The following BTN1A1 variants were observed in gnomAD, a reference collection of about 807,000 sequenced individuals.
BTN1A1 encodes butyrophilin subfamily 1 member A1.
BTN1A1 carries 26 observed loss-of-function variants against 33.1 expected under a neutral mutation model. The ratio of observed to expected loss-of-function variants is 0.79; its 90% CI spans 0.58 to 1.09. The LOEUF is 1.09. Ranked by LOEUF, BTN1A1 falls within the 50% of genes least tolerant of loss-of-function variation. The pLI, the probability that BTN1A1 is intolerant of heterozygous loss-of-function variation, is 0.00. For synonymous variants in BTN1A1, 235 were observed against 256.2 expected (o/e 0.92, Z 0.79); for missense variants, 558 against 655.7 (o/e 0.85, Z 1.63).
chr6:26,501,408 C>T lies in BTN1A1; in HGVS notation c.79+43C>T. 6.3e-7 allele frequency: 1 copy of T among 1,589,406 alleles called. No homozygotes were observed. The highest frequency in any genetic ancestry group is 2.2e-5 in the East Asian group (1 of 44,746). ...TCTGGGCTGCATAGTTGAAATATAT[C>T]AATAAATGTAAAATAAACAATCCCA... is the stretch of plus-strand genomic sequence containing the variant. On this transcript the variant is annotated intron_variant, in intron 2 of 7. Transcript: ENST00000684113. This position sits in a 1 kb window ranked among gnomAD's most constrained non-coding sequence, Gnocchi z 5.2.
Position 26,506,720 on chromosome 6 carries a change from T to C in BTN1A1, c.747T>C (p.Ala249=). The change falls in exon 5 of 8, where the codon GCT becomes GCC. Residue 249 remains alanine (A), a synonymous_variant. Coordinates refer to ENST00000684113, the MANE Select transcript of BTN1A1 (RefSeq NM_001732.3). ...SLPRLTPWIV[A]VAVILMVLGL... Reference sequence around the variant, plus strand: ...CAAGGCTGACTCCCTGGATAGTGGCTGTGGCTGTCATCCTGATGGTTCTAG... The same window carrying C: ...CAAGGCTGACTCCCTGGATAGTGGCCGTGGCTGTCATCCTGATGGTTCTAG... 1 of 1,614,112 alleles carries C rather than the reference T, an allele frequency of 6.2e-7. No homozygotes were observed. The highest frequency in any genetic ancestry group is 8.5e-7 in the Non-Finnish European group (1 of 1,180,016).
Position 26,501,631 on chromosome 6 carries a change from G to T in BTN1A1, c.121G>T (p.Val41Phe). Residue 41 changes from valine to phenylalanine, a missense_variant, in exon 3 of 8, where the codon GTT becomes TTT. Transcript: ENST00000684113. The surrounding 1 kb of genome is among the most constrained non-coding windows in gnomAD (Gnocchi z 5.2). ...VIGPPEPILA[V>F]VGEDAELPCR... ...TGGACCCCCGGAGCCCATCCTGGCC[G>T]TTGTGGGTGAGGACGCCGAGCTGCC... 6.2e-7 allele frequency: 1 copy of T among 1,613,962 alleles called. No homozygotes were observed. Among genetic ancestry groups the T allele is most frequent in the Non-Finnish European group, 8.5e-7 (1 of 1,179,990 alleles).
intron 4 of BTN1A1, among the ~76,000 whole-genome samples, chr6:26,506,456 C>T (rs1330571499): frequency 6.6e-6 from 1 of 152,094 alleles, no homozygotes. Flanking sequence ...TTTCACAGGT[C>T]CTGTCCCAAA....
In BTN1A1 at chr6:26,507,957, C is replaced by T. The variant is rs757507902; in HGVS notation, c.867C>T (p.Leu289=). The change falls in exon 6 of 8, where the codon CTC becomes CTT. Residue 289 remains leucine (L), a synonymous_variant. Coordinates refer to ENST00000684113, the MANE Select transcript of BTN1A1 (RefSeq NM_001732.3). ...TTTTTGTTTGTTTTCCAGAGAGACT[C>T]CTGGAAGAACTCAGTAAGTTCTGTC... is the stretch of plus-strand genomic sequence containing the variant. ...RRNEFSSKER[L]LEELKWKKAT... 31 of 1,614,090 alleles carry T rather than the reference C, an allele frequency of 1.9e-5. No homozygotes were observed. The South Asian group carries it at 3.2e-4, about 17-fold the overall frequency.
At chr6:26,505,711 C>A (rs1471737929) in intron 4 of BTN1A1, among the ~76,000 whole-genome samples, 1 of 149,548 alleles carries the variant, frequency 6.7e-6, no homozygotes, top group Non-Finnish European at 1.5e-5. Flanking sequence ...TAGGTGTGAG[C>A]CATCACACCC....
intron 3 of BTN1A1, among the ~76,000 whole-genome samples, chr6:26,504,344 AG>A (rs1763843182): frequency 6.6e-6 from 1 of 152,080 alleles, no homozygotes; most frequent in Non-Finnish European, 1.5e-5. Flanking sequence ...TATTGGTCTT[AG>A]TGTTCCTGCT....
At chr6:26,506,551 C>T (rs1763872401) in intron 4 of BTN1A1, 132 bp from the exon 5 acceptor site, 2 of 903,224 alleles carry the variant, frequency 2.2e-6, no homozygotes, top group African/African-American at 1.7e-5. Flanking sequence ...ATTGGAGTGA[C>T]TATTTTTTTG....
rs758209174 is a variant in BTN1A1 at position 26,506,833 on chromosome 6, G to A, written c.859+1G>A. On this transcript the variant is annotated splice_donor_variant, in intron 5 of 7. Coordinates refer to ENST00000684113, the MANE Select transcript of BTN1A1 (RefSeq NM_001732.3). LOFTEE classifies it high-confidence loss of function. ...AGGAGGAATGAATTCAGCTCTAAAG[G>A]TAAACCATAGAATCCACAAGGGCTA... 5 of 1,614,040 alleles carry A rather than the reference G, an allele frequency of 3.1e-6. No individual in the cohort carries two copies. Among genetic ancestry groups the A allele is most frequent in the Admixed American group, 1.7e-5 (1 of 60,000 alleles).
In BTN1A1 at chr6:26,507,410, C is replaced by T. The variant is rs542852329; in HGVS notation, c.860-540C>T. 6.4e-4 allele frequency among the ~76,000 whole-genome samples: 97 copies of T among 152,068 alleles called. 1 individual carries two copies. The highest frequency in any genetic ancestry group is 5.1e-4 in the Non-Finnish European group (35 of 68,016). ...CCTACTCCCACTTTTAACTCAATTGCCCAGTACCAATCTTATTATTAAAGA... is the reference window on the plus strand; with the variant it reads ...CCTACTCCCACTTTTAACTCAATTGTCCAGTACCAATCTTATTATTAAAGA... On this transcript the variant is annotated intron_variant, in intron 5 of 7. Transcript: ENST00000684113.
At position 26,509,488 on chromosome 6, in the gene BTN1A1, G is replaced by A. The variant is rs1218990402; in HGVS notation, c.*314G>A. ...CAGATTAGGGATCGAGATTGGGTCA[G>A]GTTAGCATGGGGTTGTGGTTGAAAT... On this transcript the variant is annotated 3_prime_UTR_variant, in exon 8 of 8. Transcript: ENST00000684113. 2 of 255,776 alleles carry A rather than the reference G, an allele frequency of 7.8e-6. No individual in the cohort carries two copies. The highest frequency in any genetic ancestry group is 1.5e-5 in the Non-Finnish European group (2 of 134,952). The allele number at this position is 255,776 out of a possible 1,614,324, so 15.8% of individuals were successfully genotyped here.
chr6:26,508,652 C>G lies in BTN1A1; in HGVS notation c.1059C>G (p.Phe353Leu), dbSNP rs990817013. 6.2e-7 allele frequency: 1 copy of G among 1,614,194 alleles called. No individual in the cohort carries two copies. Among genetic ancestry groups the G allele is most frequent in the African/African-American group, 1.3e-5 (1 of 75,046 alleles). The change falls in exon 8 of 8, where the codon TTC (phenylalanine) becomes TTG (leucine). Residue 353 changes from phenylalanine (F) to leucine (L), a missense_variant. Phe to Leu is a conservative substitution (Grantham distance 22, BLOSUM62 0). Transcript: ENST00000684113. ...SWPCVLGRET[F>L]TSGRHYWEVE... The stretch of plus-strand genomic sequence containing the variant: ...CCTGTGTGTTGGGCCGTGAGACCTT[C>G]ACCTCAGGAAGGCATTACTGGGAGG...
rs773866424 is a variant in BTN1A1 at position 26,501,837 on chromosome 6, G to A, written c.327G>A (p.Leu109=). ...QDGIAKGRVA[L]RIRGVRVSDD... ...GCATCGCCAAGGGGCGCGTGGCCTT[G>A]AGGATCCGTGGCGTCAGAGTCTCTG... The change falls in exon 3 of 8, where the codon TTG becomes TTA. Residue 109 remains leucine, a synonymous_variant. Coordinates refer to ENST00000684113, the MANE Select transcript of BTN1A1 (RefSeq NM_001732.3). The surrounding 1 kb of genome is among the most constrained non-coding windows in gnomAD (Gnocchi z 5.2). 1.2e-6 allele frequency: 2 copies of A among 1,611,986 alleles called. No homozygotes were observed. Among genetic ancestry groups the A allele is most frequent in the Non-Finnish European group, 1.7e-6 (2 of 1,178,628 alleles).
At chr6:26,508,222 T>C in intron 7 of BTN1A1, 135 bp downstream of exon 7, 1 of 1,202,676 alleles carries the variant, frequency 8.3e-7, no homozygotes, top group Non-Finnish European at 1.2e-6. Flanking sequence ...ACAGATGGCC[T>C]CAACAGTTTC....
intron 1 of BTN1A1, among the ~76,000 whole-genome samples, chr6:26,500,830 G>A (rs1763789086): frequency 6.6e-6 from 1 of 152,086 alleles, no homozygotes; most frequent in Non-Finnish European, 1.5e-5. Context: ...CAGAACAATC[G>A]CTTGAACCCA....
At chr6:26,504,212 G>A (rs1763841457) in intron 3 of BTN1A1, among the ~76,000 whole-genome samples, 1 of 152,008 alleles carries the variant, frequency 6.6e-6, no homozygotes, top group Non-Finnish European at 1.5e-5. Context: ...CCAAAGAATC[G>A]CCAATCCTCT....
rs1158135029 is a variant in BTN1A1, at chr6:26,501,077, T to C, written c.-57-153T>C. Reference sequence around the variant, plus strand: ...GGGTGGGAAGGTGATAACCACAGTGTAAACTAAAAATCCATACTGGGGATG... The same window carrying C: ...GGGTGGGAAGGTGATAACCACAGTGCAAACTAAAAATCCATACTGGGGATG... On this transcript the variant is annotated intron_variant, in intron 1 of 7. Transcript: ENST00000684113. This position sits in a 1 kb window ranked among gnomAD's most constrained non-coding sequence, Gnocchi z 5.2. 1.7e-6 allele frequency: 1 copy of C among 600,034 alleles called. No individual in the cohort carries two copies. Among genetic ancestry groups the C allele is most frequent in the Non-Finnish European group, 3.0e-6 (1 of 335,980 alleles). 37.2% of individuals were successfully genotyped at this position (600,034 alleles called of 1,614,324 possible). A position where few individuals can be genotyped will look rare whatever the true frequency, so the allele number is the denominator to read the frequency against.
At chr6:26,502,337 C>T (rs1763812021) in intron 3 of BTN1A1, among the ~76,000 whole-genome samples, 1 of 152,130 alleles carries the variant, frequency 6.6e-6, no homozygotes, top group Non-Finnish European at 1.5e-5. Context: ...TAGTTGGACA[C>T]AGGAAGGATG....
At chr6:26,504,798 A>G (rs983681358) in intron 3 of BTN1A1, 127 bp from the exon 4 acceptor site, 21 of 904,118 alleles carry the variant, frequency 2.3e-5, no homozygotes, top group Non-Finnish European at 3.4e-5. Flanking sequence ...TATGGAGATG[A>G]GTTCTTCCCC....
intron 3 of BTN1A1, among the ~76,000 whole-genome samples, chr6:26,504,116 G>A (rs144133258): frequency 1.5e-3 from 224 of 152,160 alleles, no homozygotes; most frequent in Non-Finnish European, 2.9e-3. Context: ...ATTATGTGAG[G>A]GAATATGAAG....
Sources: allele counts gnomAD v4.1 joint callset (sites outside exome capture counted in the v4.1 genomes callset), GRCh38; gene constraint gnomAD v4.1.1; non-coding constraint Gnocchi (gnomAD v3.1); transcripts MANE v1.5; gene names NCBI Gene and HGNC (gene_info 2026-07-23, HGNC 2026-07-21).